Variants in SEMA3A observed in about 807,000 individuals in gnomAD.
SEMA3A encodes semaphorin-3A.
A neutral mutation model predicts 97.9 loss-of-function variants in SEMA3A; 29 were observed. That is an observed-to-expected ratio of 0.30 (90% confidence interval 0.22 to 0.40). The LOEUF is 0.40. Ranked by LOEUF, SEMA3A falls within the 10% of genes least tolerant of loss-of-function variation. The pLI is 1.00. For synonymous variants in SEMA3A, 321 were observed against 323.7 expected, an observed-to-expected ratio of 0.99 and a Z score of 0.09; for missense variants, 763 against 951.3, an observed-to-expected ratio of 0.80 and a Z score of 2.60.
Position 84,341,279 on chromosome 7 carries a change from T to G in SEMA3A, c.-169+30545A>C, listed in dbSNP as rs114339438. On this transcript the variant is annotated intron_variant, in intron 2 of 3. Transcript: ENST00000424555. ...AAGAAATTCATCTAGTACCACTTAT[T>G]AAGCATTTCTTATGTGTGAAATATT... Among the ~76,000 whole-genome samples, 160 of 152,350 alleles carry G rather than the reference T, an allele frequency of 1.1e-3. 3 individuals are homozygous for G. Among genetic ancestry groups the G allele is most frequent in the African/African-American group, 3.7e-3 (153 of 41,580 alleles).
intron 3 of SEMA3A, among the ~76,000 whole-genome samples, chr7:84,206,468 G>A (rs937859099): frequency 2.0e-5 from 3 of 151,896 alleles, no homozygotes; most frequent in Non-Finnish European, 2.9e-5. Flanking sequence ...GACTATAGGC[G>A]CTGCCACCAC....
chr7:84,300,869 C>T (rs531673740), intron 3 of SEMA3A, among the ~76,000 whole-genome samples: 1 of 152,122 alleles, frequency 6.6e-6, no homozygotes, highest in East Asian at 1.9e-4. Flanking sequence ...TAGTCATTAA[C>T]TGAAAAGTAC....
At chr7:84,019,197 CT>C (rs59508737) in intron 6 of SEMA3A, among the ~76,000 whole-genome samples, 38,760 of 151,880 alleles carry the variant, frequency 0.26, 5,797 homozygotes, top group East Asian at 0.43. Context: ...AGAGGAGATA[CT>C]AAGAGAGCAT....
chr7:83,985,521 A>G, intron 12 of SEMA3A, 44 bp from the exon 13 acceptor site: 1 of 1,507,220 alleles, frequency 6.6e-7, no homozygotes, highest in Non-Finnish European at 9.2e-7. Flanking sequence ...GTCAATTAGA[A>G]CAGCCAGCTA....
chr7:84,132,832 C>T (rs1796006320), intron 2 of SEMA3A, among the ~76,000 whole-genome samples: 1 of 151,928 alleles, frequency 6.6e-6, no homozygotes, highest in Admixed American at 6.6e-5. Context: ...CTCATTACCA[C>T]ACCCAGCTAA....
At chr7:84,262,749 C>A (rs1190005785) in intron 3 of SEMA3A, among the ~76,000 whole-genome samples, 6 of 151,956 alleles carry the variant, frequency 3.9e-5, no homozygotes, top group Admixed American at 3.3e-4. Flanking sequence ...TTTTATTAAC[C>A]AATTCTGGGT....
chr7:84,415,616 A>C (rs1404971078), intron 1 of SEMA3A, among the ~76,000 whole-genome samples: 6 of 152,128 alleles, frequency 3.9e-5, no homozygotes, highest in Non-Finnish European at 8.8e-5. Flanking sequence ...GATAATGGGT[A>C]TGGAGGTGTT....
intron 7 of SEMA3A, among the ~76,000 whole-genome samples, chr7:84,013,598 G>GT (rs1442522501): frequency 6.7e-6 from 1 of 150,362 alleles, no homozygotes; most frequent in African/African-American, 2.5e-5. Context: ...GTTCACGCCT[G>GT]TAATCCCAGC....
upstream of SEMA3A, among the ~76,000 whole-genome samples, chr7:84,198,596 C>G (rs190696739): frequency 1.3e-5 from 2 of 152,258 alleles, no homozygotes; most frequent in East Asian, 1.9e-4. Context: ...CAATTATTTT[C>G]TAACCCACAA....
intron 1 of SEMA3A, among the ~76,000 whole-genome samples, chr7:84,470,582 A>T (rs1806120458): frequency 6.6e-6 from 1 of 152,050 alleles, no homozygotes; most frequent in African/African-American, 2.4e-5. Flanking sequence ...ATGAATGTAA[A>T]ACTGTGACTG....
chr7:84,036,385 T>C (rs1465623020), intron 6 of SEMA3A, among the ~76,000 whole-genome samples: 5 of 152,246 alleles, frequency 3.3e-5, no homozygotes, highest in East Asian at 3.9e-4. Context: ...GTGGATGCTA[T>C]TTGCATTTAA....
At chr7:83,998,238 A>G (rs1365000725) in intron 12 of SEMA3A, among the ~76,000 whole-genome samples, 2 of 152,170 alleles carry the variant, frequency 1.3e-5, no homozygotes, top group East Asian at 3.8e-4. Flanking sequence ...CATAAAGTAC[A>G]CTTACCTACT....
chr7:84,124,529 T>C (rs182187851), intron 3 of SEMA3A, among the ~76,000 whole-genome samples: 6 of 152,284 alleles, frequency 3.9e-5, no homozygotes, highest in African/African-American at 7.2e-5. Flanking sequence ...CAGCTGACTA[T>C]TATTTACCCA....
Position 83,963,328 on chromosome 7 carries a change from G to T in SEMA3A, c.1737C>A (p.Ser579Arg). Residue 579 changes from serine to arginine, a missense_variant, in exon 16 of 17, where the codon AGC becomes AGA. Physicochemically the swap from Ser to Arg is moderately radical, Grantham distance 110 (BLOSUM62 -1). Coordinates refer to ENST00000265362, the MANE Select transcript of SEMA3A (RefSeq NM_006080.3). The stretch of plus-strand genomic sequence containing the variant: ...CACCATAGATGATTCTCTCTTCAGG[G>T]CTGTGGCCATGGTGATTATCTGGCC... ...DLHHDNHHGH[S>R]PEERIIYGVE... 2 of 1,613,214 alleles carry T rather than the reference G, an allele frequency of 1.2e-6. No individual in the cohort carries two copies. Among genetic ancestry groups the T allele is most frequent in the Non-Finnish European group, 8.5e-7 (1 of 1,179,784 alleles).
chr7:84,075,777 T>A (rs995808293), intron 4 of SEMA3A, among the ~76,000 whole-genome samples: 1 of 152,150 alleles, frequency 6.6e-6, no homozygotes, highest in Non-Finnish European at 1.5e-5. Context: ...ACTTCTATTG[T>A]ATCCATTCAA....
At chr7:84,091,365 AAAGG>A (rs369410201) in intron 4 of SEMA3A, among the ~76,000 whole-genome samples, 1 of 146,376 alleles carries the variant, frequency 6.8e-6, no homozygotes, top group Admixed American at 7.0e-5. Context: ...AGAAAGGAAG[AAAGG>A]AAGGAAGGAA....
chr7:83,980,240 G>GCAA (rs1216457170), intron 14 of SEMA3A, among the ~76,000 whole-genome samples: 1 of 152,000 alleles, frequency 6.6e-6, no homozygotes, highest in Non-Finnish European at 1.5e-5. Flanking sequence ...AGTTATCTTA[G>GCAA]CAACTTTTAT....
intron 3 of SEMA3A, among the ~76,000 whole-genome samples, chr7:84,259,043 T>C (rs1799783321): frequency 6.6e-6 from 1 of 152,168 alleles, no homozygotes; most frequent in Non-Finnish European, 1.5e-5. Flanking sequence ...TCTTTTAAGT[T>C]TAGAGAACAG....
At chr7:84,069,475 T>C (rs910865195) in intron 4 of SEMA3A, among the ~76,000 whole-genome samples, 5 of 152,150 alleles carry the variant, frequency 3.3e-5, no homozygotes, top group African/African-American at 4.8e-5. Flanking sequence ...TATGTCACAG[T>C]AGAAATGCCA....
Sources: gnomAD v4.1 joint callset for allele counts (sites outside exome capture counted in the v4.1 genomes callset) on GRCh38, gnomAD v4.1.1 for gene constraint, MANE v1.5 for transcripts, NCBI Gene and HGNC (gene_info 2026-07-23, HGNC 2026-07-21) for gene names.